The following NBAS variants were observed in gnomAD, a reference collection of about 807,000 sequenced individuals.
The protein encoded by NBAS is NAG/BC035112 fusion.
NBAS carries 219 observed loss-of-function variants against 302.5 expected under a neutral mutation model. The ratio of observed to expected loss-of-function variants is 0.72; its 90% CI spans 0.65 to 0.81. NBAS has a LOEUF of 0.81. NBAS is among the 30% of genes least tolerant of loss of function. The pLI is 0.00. For missense variants in NBAS, 2,932 were observed against 2,841.6 expected (o/e 1.03, Z -0.72); for synonymous variants, 1,118 against 1,021.6 (o/e 1.09, Z -1.80).
the NBAS span, among the ~76,000 whole-genome samples, chr2:15,066,216 G>A: frequency 2.6e-5 from 4 of 152,014 alleles, no homozygotes; most frequent in South Asian, 2.1e-4. Flanking sequence ...ATCTTATACC[G>A]TACATAAAAG....
chr2:15,315,484 A>G (rs1446430375), intron 38 of NBAS, among the ~76,000 whole-genome samples: 1 of 152,228 alleles, frequency 6.6e-6, no homozygotes, highest in African/African-American at 2.4e-5. Context: ...AACTGCGTCA[A>G]ATGCTTAAGC....
the NBAS span, among the ~76,000 whole-genome samples, chr2:14,858,654 C>G: frequency 6.6e-6 from 1 of 151,846 alleles, no homozygotes; most frequent in African/African-American, 2.4e-5. Context: ...GGATGGTAAC[C>G]AGAGGATGGG....
chr2:14,977,919 C>T, the NBAS span, among the ~76,000 whole-genome samples: 1 of 152,102 alleles, frequency 6.6e-6, no homozygotes, highest in African/African-American at 2.4e-5. Context: ...CATCAAGTTG[C>T]ATAGTTTGAA....
At chr2:14,883,930 T>C in the NBAS span, among the ~76,000 whole-genome samples, 71,645 of 150,732 alleles carry the variant, frequency 0.48, 18,876 homozygotes, top group African/African-American at 0.71. Flanking sequence ...CATGATTGCC[T>C]CACTGTACTC....
At chr2:15,468,311 G>T in intron 17 of NBAS, 71 bp downstream of exon 17, 2 of 1,556,452 alleles carry the variant, frequency 1.3e-6, no homozygotes, top group Non-Finnish European at 1.8e-6. Context: ...AGTTTACCCA[G>T]TCCAATGTCT....
chr2:14,876,772 C>CT, the NBAS span, among the ~76,000 whole-genome samples: 1 of 152,206 alleles, frequency 6.6e-6, no homozygotes, highest in Non-Finnish European at 1.5e-5. Flanking sequence ...GCTGATCATT[C>CT]TTTTACAGAC....
At chr2:15,035,385 GT>G in the NBAS span, among the ~76,000 whole-genome samples, 1 of 152,160 alleles carries the variant, frequency 6.6e-6, no homozygotes, top group Non-Finnish European at 1.5e-5. Context: ...TCTTCTTAGT[GT>G]TGGTGGGAAC....
intron 21 of NBAS, among the ~76,000 whole-genome samples, chr2:15,450,412 A>T (rs1299051307): frequency 6.6e-6 from 1 of 152,144 alleles, no homozygotes; most frequent in Non-Finnish European, 1.5e-5. Flanking sequence ...CTAGATCCAA[A>T]TCTTACCTTT....
chr2:15,084,247 A>T, the NBAS span, among the ~76,000 whole-genome samples: 1 of 151,758 alleles, frequency 6.6e-6, no homozygotes, highest in Non-Finnish European at 1.5e-5. Flanking sequence ...TTTTTTCTAG[A>T]GACAGGGTTT....
chr2:15,292,899 AC>A, intron 40 of NBAS, 133 bp from the exon 41 acceptor site: 3 of 892,740 alleles, frequency 3.4e-6, no homozygotes, highest in Non-Finnish European at 5.3e-6. Context: ...CATAAGGCTC[AC>A]AACGGCCCTG....
At chr2:15,232,809 A>G (rs1375813596) in intron 46 of NBAS, among the ~76,000 whole-genome samples, 1 of 152,018 alleles carries the variant, frequency 6.6e-6, no homozygotes, top group African/African-American at 2.4e-5. Flanking sequence ...AACTGTATTG[A>G]GCTACTTTAA....
the NBAS span, among the ~76,000 whole-genome samples, chr2:14,993,862 T>A: frequency 2.0e-5 from 3 of 152,144 alleles, no homozygotes; most frequent in Non-Finnish European, 4.4e-5. Context: ...GCCAAACCAA[T>A]AAATATCTAT....
At chr2:15,066,071 A>G in the NBAS span, among the ~76,000 whole-genome samples, 7 of 152,190 alleles carry the variant, frequency 4.6e-5, no homozygotes, top group African/African-American at 1.7e-4. Flanking sequence ...GCCCAGAAAT[A>G]AACACACACA....
At chr2:14,790,702 A>G in the NBAS span, among the ~76,000 whole-genome samples, 2 of 137,954 alleles carry the variant, frequency 1.4e-5, no homozygotes, top group Non-Finnish European at 3.0e-5. Flanking sequence ...CCCAGGCTGG[A>G]GTGCAACGGT....
At chr2:15,557,134 G>C (rs973191267) in intron 2 of NBAS, among the ~76,000 whole-genome samples, 1 of 152,052 alleles carries the variant, frequency 6.6e-6, no homozygotes, top group African/African-American at 2.4e-5. Flanking sequence ...TGGACTAGAA[G>C]TTATAATAAT....
At chr2:14,945,790 T>C in the NBAS span, among the ~76,000 whole-genome samples, 6 of 152,106 alleles carry the variant, frequency 3.9e-5, no homozygotes, top group South Asian at 4.2e-4. Flanking sequence ...CAACAAGATA[T>C]AGAGAATAGG....
intron 6 of NBAS, among the ~76,000 whole-genome samples, chr2:15,545,157 C>G (rs1664045038): frequency 6.6e-6 from 1 of 152,058 alleles, no homozygotes; most frequent in African/African-American, 2.4e-5. Context: ...TGTTTATGTT[C>G]TCTGGCAACA....
chr2:15,291,436 G>GA (rs1670300448), intron 41 of NBAS, among the ~76,000 whole-genome samples: 1 of 152,204 alleles, frequency 6.6e-6, no homozygotes, highest in African/African-American at 2.4e-5. Flanking sequence ...TGTGGTCTTA[G>GA]AAACAAAACA....
chr2:15,210,288 TATCTGGTTAAAAA>T (rs1288218672), intron 48 of NBAS, among the ~76,000 whole-genome samples: 1 of 151,646 alleles, frequency 6.6e-6, no homozygotes, highest in African/African-American at 2.4e-5. Flanking sequence ...AAAAAATAAT[TATCTGGTTAAAAA>T]ATGGGCGAAA....
Sources: allele counts gnomAD v4.1 joint callset (sites outside exome capture counted in the v4.1 genomes callset), GRCh38; gene constraint gnomAD v4.1.1; transcripts MANE v1.5; gene names NCBI Gene and HGNC (gene_info 2026-07-23, HGNC 2026-07-21).